The following CUL2 variants were observed in gnomAD, a reference collection of about 807,000 sequenced individuals.
The protein encoded by CUL2 is cullin-2.
CUL2 carries 22 observed loss-of-function variants against 110.2 expected under a neutral mutation model. The ratio of observed to expected loss-of-function variants is 0.20; its 90% CI spans 0.14 to 0.28. CUL2 has a LOEUF of 0.28. Among genes scored for constraint, CUL2 ranks in the 10% least tolerant of loss-of-function variants. The pLI is 1.00. For synonymous variants in CUL2, 279 were observed against 293.2 expected (o/e 0.95, Z 0.49); for missense variants, 631 against 905.5 (o/e 0.70, Z 3.89).
chr10:35,022,208 A>G (rs763101710), intron 17 of CUL2, among the ~76,000 whole-genome samples: 3 of 152,196 alleles, frequency 2.0e-5, no homozygotes, highest in Non-Finnish European at 4.4e-5. Flanking sequence ...TGAATTTTAC[A>G]ACAATAAAGA....
intron 1 of CUL2, among the ~76,000 whole-genome samples, chr10:35,086,925 T>C (rs2087079341): frequency 6.6e-6 from 1 of 152,230 alleles, no homozygotes; most frequent in South Asian, 2.1e-4. Flanking sequence ...CAATATTTGC[T>C]TATATGTCCA....
intron 8 of CUL2, among the ~76,000 whole-genome samples, chr10:35,043,095 T>C (rs1232711484): frequency 1.3e-5 from 2 of 152,076 alleles, no homozygotes; most frequent in Non-Finnish European, 2.9e-5. Flanking sequence ...AGGAAAAACA[T>C]GGTTTGAGAG....
chr10:35,035,334 T>C lies in CUL2; in HGVS notation c.878-38A>G. The C allele has an allele frequency of 1.9e-6, 3 of 1,604,762 alleles. No homozygotes were observed. In the South Asian group the frequency reaches 3.3e-5, roughly 18 times the overall value. ...AGACATCTGAGGGTTAACTCCCAAA[T>C]ATTTTCATTTATTAGGTAATATATG... On this transcript the variant is annotated intron_variant, in intron 9 of 20. Coordinates refer to ENST00000374749, the MANE Select transcript of CUL2 (RefSeq NM_003591.4).
chr10:35,017,874 TTA>T (rs1491153829), intron 17 of CUL2, among the ~76,000 whole-genome samples: 130 of 75,148 alleles, frequency 1.7e-3, no homozygotes, highest in Middle Eastern at 0.014. Context: ...CCATACGTGT[TTA>T]AAAAAAAAAA....
At chr10:35,087,432 G>A (rs1176731373) in intron 1 of CUL2, among the ~76,000 whole-genome samples, 1 of 152,102 alleles carries the variant, frequency 6.6e-6, no homozygotes, top group Non-Finnish European at 1.5e-5. Context: ...CACACATCTG[G>A]TTTAAAGCTG....
chr10:35,015,293 C>CAA (rs201140168), intron 18 of CUL2, among the ~76,000 whole-genome samples: 8 of 80,836 alleles, frequency 9.9e-5, no homozygotes, highest in African/African-American at 2.1e-4. Context: ...AACTCCGTCT[C>CAA]AAAAAAAAAA....
intron 1 of CUL2, among the ~76,000 whole-genome samples, chr10:35,120,825 G>A (rs1433670766): frequency 1.3e-5 from 2 of 152,136 alleles, no homozygotes; most frequent in African/African-American, 2.4e-5. Flanking sequence ...GAGCCCAGGA[G>A]GTTGAGACTG....
intron 1 of CUL2, among the ~76,000 whole-genome samples, chr10:35,107,298 G>A (rs2087472262): frequency 6.6e-6 from 1 of 152,062 alleles, no homozygotes; most frequent in South Asian, 2.1e-4. Flanking sequence ...TTTGAAAGCA[G>A]AGTGATTATG....
chr10:35,089,817 C>CA (rs1564749456), intron 1 of CUL2: 8 of 151,708 alleles, frequency 5.3e-5, no homozygotes, highest in African/African-American at 1.9e-4. Flanking sequence ...GATGCCCCCC[C>CA]CCACACACAC....
rs2085398695 is a variant in CUL2, at chr10:35,028,895, G to GA, written c.1540-9dup. 5 of 1,561,514 alleles carry GA rather than the reference G, an allele frequency of 3.2e-6. No homozygotes were observed. The highest frequency in any genetic ancestry group is 2.6e-6 in the Non-Finnish European group (3 of 1,148,344). On this transcript the variant is annotated splice_polypyrimidine_tract_variant and intron_variant, in intron 15 of 20. Transcript: ENST00000374749. Reference sequence around the variant, plus strand: ...AAGAGGCCACGCACCAGCCTAGAAGGAAAAAAATAAAATAAAATAAGCTAA... The same window carrying GA: ...AAGAGGCCACGCACCAGCCTAGAAGGAAAAAAAATAAAATAAAATAAGCTAA...
At chr10:35,083,544 C>G (rs1250597271) in intron 1 of CUL2, among the ~76,000 whole-genome samples, 2 of 152,088 alleles carry the variant, frequency 1.3e-5, no homozygotes, top group African/African-American at 2.4e-5. Context: ...AGGGCTGAAG[C>G]AGGAAAAATA....
chr10:35,051,779 T>C (rs532070667), intron 5 of CUL2, among the ~76,000 whole-genome samples: 72 of 152,344 alleles, frequency 4.7e-4, no homozygotes, highest in African/African-American at 1.7e-3. Flanking sequence ...GTCTTGTTCT[T>C]AATAAAAGCT....
intron 9 of CUL2, 30 bp from the exon 10 acceptor site, chr10:35,035,326 C>A: frequency 6.2e-7 from 1 of 1,609,814 alleles, no homozygotes; most frequent in Non-Finnish European, 8.5e-7. Flanking sequence ...TGAGGGTTAA[C>A]TCCCAAATAT....
At chr10:35,023,548 G>A (rs1390352450) in intron 17 of CUL2, among the ~76,000 whole-genome samples, 1 of 151,972 alleles carries the variant, frequency 6.6e-6, no homozygotes, top group South Asian at 2.1e-4. Context: ...AATTCCAATG[G>A]CTAAAAAACT....
At chr10:35,111,142 A>T (rs12774834) in intron 1 of CUL2, among the ~76,000 whole-genome samples, 44,548 of 152,132 alleles carry the variant, frequency 0.29, 7,062 homozygotes, top group South Asian at 0.35. Context: ...TTTTGGCCTG[A>T]GCAACTTGGT....
intron 1 of CUL2, among the ~76,000 whole-genome samples, chr10:35,103,308 A>ATTTTTTTTTTTTTTTTTTTTTTTTTTTTT (rs67257350): frequency 1.1e-5 from 1 of 94,546 alleles, no homozygotes; most frequent in Non-Finnish European, 2.0e-5. Flanking sequence ...GGCCAAGCTA[A>ATTTTTTTTTTTTTTTTTTTTTTTTTTTTT]TTTTTTTTTT....
At position 35,009,617 on chromosome 10, in the gene CUL2, T is replaced by A. The variant is rs1409229080; in HGVS notation, c.*694A>T. 1.3e-5 allele frequency: 2 copies of A among 152,232 alleles called. No homozygotes were observed. Among genetic ancestry groups the A allele is most frequent in the East Asian group, 3.8e-4 (2 of 5,198 alleles). 9.4% of individuals were successfully genotyped at this position (152,232 alleles called of 1,614,324 possible). On this transcript the variant is annotated 3_prime_UTR_variant, in exon 21 of 21. Transcript: ENST00000374749. The stretch of plus-strand genomic sequence containing the variant: ...ACCAGAAACTGCTGATGGAATTACA[T>A]CTTCAAGATTCAAAATGTTTAGATC...
intron 1 of CUL2, among the ~76,000 whole-genome samples, chr10:35,116,849 C>A (rs111267338): frequency 6.6e-6 from 1 of 151,632 alleles, no homozygotes; most frequent in Admixed American, 6.6e-5. Flanking sequence ...CCCAGCTACC[C>A]GGGAGGCTGA....
At chr10:35,044,737 A>G in intron 7 of CUL2, 35 bp downstream of exon 7, 1 of 1,581,808 alleles carries the variant, frequency 6.3e-7, no homozygotes, top group Non-Finnish European at 8.7e-7. Flanking sequence ...AGAAATTAAC[A>G]GTCTGATTAT....
Sources: gnomAD v4.1 joint callset for allele counts (sites outside exome capture counted in the v4.1 genomes callset) on GRCh38, gnomAD v4.1.1 for gene constraint, MANE v1.5 for transcripts, NCBI Gene and HGNC (gene_info 2026-07-23, HGNC 2026-07-21) for gene names.